The following SH3KBP1 variants were observed in gnomAD, a reference collection of about 807,000 sequenced individuals.
SH3KBP1 encodes the protein SH3 domain containing kinase binding protein 1.
Under a neutral mutation model 50.1 loss-of-function variants are expected in SH3KBP1, and 8 were observed. The ratio of observed to expected loss-of-function variants is 0.16; its 90% confidence interval spans 0.09 to 0.29. SH3KBP1 has a LOEUF of 0.29. Ranked by LOEUF, SH3KBP1 falls within the 10% of genes least tolerant of loss-of-function variation. SH3KBP1 has a pLI of 1.00. For synonymous variants in SH3KBP1, 227 were observed against 218.6 expected (o/e 1.04, Z -0.34); for missense variants, 377 against 535.2 (o/e 0.70, Z 2.92).
At chrX:19,845,329 A>AG (rs1556414286) in intron 1 of SH3KBP1, among the ~76,000 whole-genome samples, 1 of 103,626 alleles carries the variant, frequency 9.7e-6, no homozygotes, top group Non-Finnish European at 2.0e-5. Flanking sequence ...ATACAAAAAA[A>AG]TAGCCGGGCG....
intron 8 of SH3KBP1, among the ~76,000 whole-genome samples, chrX:19,628,375 C>G (rs1019924328): frequency 7.2e-5 from 8 of 111,104 alleles, no homozygotes; most frequent in African/African-American, 2.6e-4. Context: ...AGAGTAAATC[C>G]TCGCAGCAGC....
intron 2 of SH3KBP1, among the ~76,000 whole-genome samples, chrX:19,752,787 A>T (rs2065102259): frequency 8.9e-6 from 1 of 112,485 alleles, no homozygotes; most frequent in Admixed American, 9.3e-5. Context: ...ATGTGCTGAT[A>T]TTTTCTCCTA....
At chrX:19,664,854 A>T (rs745729127) in intron 6 of SH3KBP1, 7 of 112,293 alleles carry the variant, frequency 6.2e-5, no homozygotes, top group Admixed American at 3.8e-4. Flanking sequence ...ATGTAAAGGG[A>T]GTAAAGGGGT....
intron 1 of SH3KBP1, among the ~76,000 whole-genome samples, chrX:19,866,183 C>T (rs2068901729): frequency 9.0e-6 from 1 of 111,526 alleles, no homozygotes; most frequent in African/African-American, 3.3e-5. Context: ...CCAGGGCACC[C>T]AAATGTGCCT....
intron 4 of SH3KBP1, among the ~76,000 whole-genome samples, chrX:19,705,349 C>T (rs2063630850): frequency 8.9e-6 from 1 of 111,838 alleles, no homozygotes; most frequent in South Asian, 3.7e-4. Context: ...AGCTTCAAAT[C>T]GTACCAAAAT....
At chrX:19,831,154 C>T (rs987011471) in intron 2 of SH3KBP1, among the ~76,000 whole-genome samples, 1 of 112,408 alleles carries the variant, frequency 8.9e-6, no homozygotes, top group African/African-American at 3.2e-5. Flanking sequence ...TGGTGGCTCA[C>T]GCCTGTAATC....
At chrX:19,782,388 C>T (rs2066209245) in intron 2 of SH3KBP1, among the ~76,000 whole-genome samples, 1 of 111,566 alleles carries the variant, frequency 9.0e-6, no homozygotes, top group Non-Finnish European at 1.9e-5. Context: ...TTGTTTTAAG[C>T]CACCCAGTTT....
intron 4 of SH3KBP1, among the ~76,000 whole-genome samples, chrX:19,701,839 C>A (rs1169317479): frequency 1.8e-5 from 2 of 112,224 alleles, no homozygotes; most frequent in East Asian, 2.8e-4. Context: ...AGTGTAAGCA[C>A]TGAAATATTT....
intron 1 of SH3KBP1, among the ~76,000 whole-genome samples, chrX:19,852,275 C>T (rs1423008265): frequency 4.5e-5 from 5 of 111,247 alleles, no homozygotes; most frequent in African/African-American, 1.6e-4. Context: ...GTCATGTCCA[C>T]TCCAAACCTC....
At chrX:19,716,000 T>C (rs186398404) in intron 3 of SH3KBP1, among the ~76,000 whole-genome samples, 3 of 111,957 alleles carry the variant, frequency 2.7e-5, no homozygotes, top group East Asian at 2.8e-4. Context: ...TGTTCTTGAG[T>C]TGGAAACTTC....
At chrX:19,579,725 T>C (rs1205460530) in intron 12 of SH3KBP1, among the ~76,000 whole-genome samples, 5 of 111,697 alleles carry the variant, frequency 4.5e-5, no homozygotes, top group African/African-American at 1.3e-4. Context: ...CAGCAAATCA[T>C]GCAGATGTCC....
chrX:19,632,267 A>G (rs1339473972), intron 7 of SH3KBP1, among the ~76,000 whole-genome samples: 2 of 111,927 alleles, frequency 1.8e-5, no homozygotes, highest in Non-Finnish European at 3.8e-5. Context: ...ACAGACATAT[A>G]CCATTTTATA....
chrX:19,775,339 T>C (rs947572173), intron 2 of SH3KBP1, among the ~76,000 whole-genome samples: 3 of 112,271 alleles, frequency 2.7e-5, no homozygotes, highest in Non-Finnish European at 5.6e-5. Context: ...ACTTGGTTTC[T>C]AAACAAATCT....
intron 9 of SH3KBP1, among the ~76,000 whole-genome samples, chrX:19,596,011 C>T (rs756405203): frequency 8.9e-6 from 1 of 112,248 alleles, no homozygotes; most frequent in Non-Finnish European, 1.9e-5. Context: ...GTGTTTCTGC[C>T]TCATGATCTC....
intron 2 of SH3KBP1, among the ~76,000 whole-genome samples, chrX:19,806,679 ACACAG>A (rs764810502): frequency 1.8e-5 from 2 of 111,915 alleles, no homozygotes; most frequent in East Asian, 5.6e-4. Flanking sequence ...GTGTAGTAAG[ACACAG>A]CAGAAATTGG....
intron 9 of SH3KBP1, among the ~76,000 whole-genome samples, chrX:19,602,967 T>TA (rs1291736273): frequency 3.6e-5 from 4 of 111,089 alleles, no homozygotes; most frequent in Admixed American, 9.5e-5. Context: ...AAACTTGTGC[T>TA]AAAAAAAATC....
intron 8 of SH3KBP1, among the ~76,000 whole-genome samples, chrX:19,622,603 G>A (rs1042504824): frequency 8.9e-6 from 1 of 112,388 alleles, no homozygotes; most frequent in East Asian, 2.8e-4. Flanking sequence ...TGTGAAAACT[G>A]ATGCACACAG....
At chrX:19,658,896 T>C (rs999106984) in intron 6 of SH3KBP1, among the ~76,000 whole-genome samples, 2 of 110,414 alleles carry the variant, frequency 1.8e-5, no homozygotes, top group African/African-American at 6.6e-5. Context: ...TTAGAAATAA[T>C]GAGTTCAAGC....
At chrX:19,754,607 A>G (rs1024512309) in intron 2 of SH3KBP1, among the ~76,000 whole-genome samples, 1 of 111,595 alleles carries the variant, frequency 9.0e-6, no homozygotes, top group Non-Finnish European at 1.9e-5. Context: ...AGCTGGGATT[A>G]CAGGCACCCA....
Sources: gnomAD v4.1 joint callset for allele counts (sites outside exome capture counted in the v4.1 genomes callset) on GRCh38, gnomAD v4.1.1 for gene constraint, MANE v1.5 for transcripts, NCBI Gene and HGNC (gene_info 2026-07-23, HGNC 2026-07-21) for gene names.